The following PPP1R12A variants were observed in gnomAD, a reference collection of about 807,000 sequenced individuals.
PPP1R12A encodes protein phosphatase 1 regulatory subunit 12A.
PPP1R12A carries 19 observed loss-of-function variants against 139.6 expected under a neutral mutation model. The observed-to-expected ratio is 0.14, with a 90% CI of 0.09 to 0.20. The LOEUF is 0.20. PPP1R12A is among the 10% of genes least tolerant of loss of function. PPP1R12A has a pLI of 1.00. For synonymous variants in PPP1R12A, 427 were observed against 420.6 expected, an observed-to-expected ratio of 1.02 and a Z score of -0.19; for missense variants, 925 against 1,211.5, an observed-to-expected ratio of 0.76 and a Z score of 3.51.
rs151299942 is a variant in PPP1R12A at position 79,912,895 on chromosome 12, G to C, written c.237+21800C>G. Among the ~76,000 whole-genome samples the C allele has an allele frequency of 3.2e-3, 487 of 152,220 alleles. 1 individual carries two copies. The highest frequency in any genetic ancestry group is 5.4e-3 in the Non-Finnish European group (365 of 68,024). Reference sequence around the variant, plus strand: ...GTACGTTTCCATTGCTACTGCATAAGTACAACCAAGCAAGAGATAAACAAA... The same window carrying C: ...GTACGTTTCCATTGCTACTGCATAACTACAACCAAGCAAGAGATAAACAAA... On this transcript the variant is annotated intron_variant, in intron 1 of 24. Transcript: ENST00000450142.
chr12:79,908,173 A>G (rs1398425613), intron 1 of PPP1R12A, among the ~76,000 whole-genome samples: 1 of 152,324 alleles, frequency 6.6e-6, no homozygotes, highest in East Asian at 1.9e-4. Flanking sequence ...TAACTCTTAC[A>G]GTGTCTTCCA....
intron 1 of PPP1R12A, among the ~76,000 whole-genome samples, chr12:79,926,302 C>CA (rs772309706): frequency 2.6e-5 from 4 of 152,210 alleles, no homozygotes; most frequent in Non-Finnish European, 5.9e-5. Context: ...TCTCGTGCCT[C>CA]AGCCTCCTGA....
At chr12:79,855,231 G>A (rs375910641) in intron 2 of PPP1R12A, among the ~76,000 whole-genome samples, 252 of 151,818 alleles carry the variant, frequency 1.7e-3, no homozygotes, top group African/African-American at 5.6e-3. Context: ...CTCGTGATCC[G>A]CCCGCCTCAG....
At chr12:79,849,919 C>T (rs1879849050) in intron 2 of PPP1R12A, among the ~76,000 whole-genome samples, 1 of 152,030 alleles carries the variant, frequency 6.6e-6, no homozygotes, top group South Asian at 2.1e-4. Context: ...AACTCTTAGG[C>T]TCAAGCCATC....
At chr12:79,931,777 TG>T (rs755712764) in intron 1 of PPP1R12A, among the ~76,000 whole-genome samples, 2 of 152,092 alleles carry the variant, frequency 1.3e-5, no homozygotes, top group East Asian at 1.9e-4. Flanking sequence ...TTTGTAGCTT[TG>T]GGGGTCAGGT....
At chr12:79,850,516 G>A (rs1879916004) in intron 2 of PPP1R12A, among the ~76,000 whole-genome samples, 1 of 152,242 alleles carries the variant, frequency 6.6e-6, no homozygotes, top group African/African-American at 2.4e-5. Context: ...GAAAAACTTT[G>A]TCTTTAAACC....
intron 1 of PPP1R12A, among the ~76,000 whole-genome samples, chr12:79,903,344 G>A (rs766026759): frequency 1.3e-5 from 2 of 151,776 alleles, no homozygotes; most frequent in Admixed American, 6.6e-5. Context: ...CCAGCTACTC[G>A]GGAGGCTGAG....
chr12:79,798,465 G>C lies in PPP1R12A; in HGVS notation c.2091+29C>G, dbSNP rs1872727010. The C allele has an allele frequency of 1.4e-5, 20 of 1,391,058 alleles. 1 individual carries two copies. In the East Asian group the frequency reaches 5.0e-4, roughly 35 times the overall value. The allele number at this position is 1,391,058 out of a possible 1,614,324, so 86.2% of individuals were successfully genotyped here. On this transcript the variant is annotated intron_variant, in intron 15 of 24. Coordinates refer to ENST00000450142, the MANE Select transcript of PPP1R12A (RefSeq NM_002480.3). ...TATATTTTATATGCTACTTATGTAA[G>C]TTTTATATATTAATTACATTAACTA... is the stretch of plus-strand genomic sequence containing the variant.
At chr12:79,853,308 T>A (rs1254043188) in intron 2 of PPP1R12A, among the ~76,000 whole-genome samples, 1 of 152,226 alleles carries the variant, frequency 6.6e-6, no homozygotes, top group Non-Finnish European at 1.5e-5. Context: ...TATCAGCTTC[T>A]TTAGCTCTAA....
At position 79,775,047 on chromosome 12, in the gene PPP1R12A, A is replaced by G. The variant is rs1177356932; in HGVS notation, c.*882T>C. On this transcript the variant is annotated 3_prime_UTR_variant, in exon 25 of 25. Coordinates refer to ENST00000450142, the MANE Select transcript of PPP1R12A (RefSeq NM_002480.3). ...CATTAGCAGACATTTGAAATAAGAA[A>G]TAGTCAAGCATGCCATGTGGTGGTC... The G allele has an allele frequency of 6.6e-6, 1 of 152,570 alleles. No individual in the cohort carries two copies. The highest frequency in any genetic ancestry group is 1.5e-5 in the Non-Finnish European group (1 of 67,976). 9.5% of individuals were successfully genotyped at this position (152,570 alleles called of 1,614,324 possible).
At chr12:79,833,783 G>A (rs1877733306) in intron 3 of PPP1R12A, among the ~76,000 whole-genome samples, 1 of 146,334 alleles carries the variant, frequency 6.8e-6, no homozygotes, top group South Asian at 2.2e-4. Flanking sequence ...GATGCAGTAA[G>A]CCAAGATCAC....
chr12:79,841,650 G>A (rs1176438456), intron 3 of PPP1R12A, among the ~76,000 whole-genome samples: 2 of 152,132 alleles, frequency 1.3e-5, no homozygotes, highest in African/African-American at 4.8e-5. Context: ...CATAACAACT[G>A]CTAATATCAG....
At chr12:79,822,599 C>A (rs570876974) in intron 5 of PPP1R12A, among the ~76,000 whole-genome samples, 3 of 152,284 alleles carry the variant, frequency 2.0e-5, no homozygotes, top group African/African-American at 7.2e-5. Flanking sequence ...AACCACTAAT[C>A]TACTTTCTGT....
chr12:79,884,555 T>C (rs1330495802), intron 1 of PPP1R12A, among the ~76,000 whole-genome samples: 3 of 152,148 alleles, frequency 2.0e-5, no homozygotes, highest in African/African-American at 4.8e-5. Flanking sequence ...CATAAAAATA[T>C]TGTTGCTAGG....
chr12:79,836,666 G>A (rs993074389), intron 3 of PPP1R12A, among the ~76,000 whole-genome samples: 2 of 151,966 alleles, frequency 1.3e-5, no homozygotes, highest in African/African-American at 4.8e-5. Flanking sequence ...AAATACTACC[G>A]ATTAGAGTAT....
At chr12:79,840,201 G>A (rs2137186593) in intron 3 of PPP1R12A, among the ~76,000 whole-genome samples, 1 of 152,264 alleles carries the variant, frequency 6.6e-6, no homozygotes, top group African/African-American at 2.4e-5. Context: ...ATCTGGAAAT[G>A]GGGTAACAGT....
At chr12:79,825,703 C>A (rs1278262618) in intron 5 of PPP1R12A, among the ~76,000 whole-genome samples, 1 of 151,712 alleles carries the variant, frequency 6.6e-6, no homozygotes, top group African/African-American at 2.4e-5. Flanking sequence ...TCTTTAATAT[C>A]ATTTTTAAAA....
intron 2 of PPP1R12A, among the ~76,000 whole-genome samples, chr12:79,859,364 A>G (rs554355130): frequency 5.3e-5 from 8 of 150,786 alleles, no homozygotes; most frequent in Admixed American, 4.0e-4. Flanking sequence ...GAAAAAAAAA[A>G]AAAAACAACA....
At chr12:79,930,420 G>C (rs139000188) in intron 1 of PPP1R12A, among the ~76,000 whole-genome samples, 22 of 152,170 alleles carry the variant, frequency 1.4e-4, no homozygotes, top group African/African-American at 5.1e-4. Flanking sequence ...ATGCATGCTA[G>C]ATTAAATAAG....
Sources: allele counts gnomAD v4.1 joint callset (sites outside exome capture counted in the v4.1 genomes callset), GRCh38; gene constraint gnomAD v4.1.1; transcripts MANE v1.5; gene names NCBI Gene and HGNC (gene_info 2026-07-23, HGNC 2026-07-21).